Variants in DCX observed in about 807,000 individuals in gnomAD.
The protein encoded by DCX is doublecortin.
In DCX, 4 loss-of-function variants were observed where a neutral mutation model predicts 20.9. The ratio of observed to expected loss-of-function variants is 0.19; its 90% CI spans 0.09 to 0.44. The LOEUF (loss-of-function observed/expected upper bound fraction) is 0.44. Ranked by LOEUF, DCX falls within the 20% of genes least tolerant of loss-of-function variation. The pLI is 0.99. For synonymous variants in DCX, 103 were observed against 111.4 expected, an observed-to-expected ratio of 0.92 and a Z score of 0.47; for missense variants, 133 against 296.9, an observed-to-expected ratio of 0.45 and a Z score of 4.06.
intron 3 of DCX, among the ~76,000 whole-genome samples, chrX:111,396,275 T>C (rs772359906): frequency 9.8e-5 from 11 of 112,245 alleles, no homozygotes; most frequent in African/African-American, 3.6e-4. Flanking sequence ...ATCCAAGTAG[T>C]CGGTGCTATA....
intron 5 of DCX, among the ~76,000 whole-genome samples, chrX:111,321,189 TG>T (rs1256012850): frequency 8.9e-6 from 1 of 111,946 alleles, no homozygotes; most frequent in Non-Finnish European, 1.9e-5. Flanking sequence ...CCGAACCAGC[TG>T]GGTATCATAC....
At chrX:111,344,358 T>C (rs1455295654) in intron 3 of DCX, among the ~76,000 whole-genome samples, 1 of 112,020 alleles carries the variant, frequency 8.9e-6, no homozygotes, top group Non-Finnish European at 1.9e-5. Context: ...TTACCATTCC[T>C]ATTCATCATA....
chrX:111,361,639 A>G (rs900075058), intron 3 of DCX, among the ~76,000 whole-genome samples: 13 of 112,228 alleles, frequency 1.2e-4, no homozygotes, highest in Non-Finnish European at 1.9e-5. Flanking sequence ...CCAACAAACA[A>G]CGAAGTTATT....
At chrX:111,339,855 A>G (rs761808157) in intron 3 of DCX, among the ~76,000 whole-genome samples, 27 of 111,925 alleles carry the variant, frequency 2.4e-4, no homozygotes, top group Non-Finnish European at 4.9e-4. Context: ...TCTCACAATT[A>G]CCCAAACCAG....
At chrX:111,363,380 A>G (rs1300128889) in intron 3 of DCX, among the ~76,000 whole-genome samples, 1 of 110,116 alleles carries the variant, frequency 9.1e-6, no homozygotes, top group African/African-American at 3.3e-5. Context: ...AAAGTGTTTT[A>G]AATCTGTAGT....
chrX:111,303,365 A>G (rs1330896113), intron 6 of DCX, among the ~76,000 whole-genome samples: 1 of 109,906 alleles, frequency 9.1e-6, no homozygotes, highest in Non-Finnish European at 1.9e-5. Flanking sequence ...CTGCTTTTGT[A>G]TCATAAGGAC....
chrX:111,303,380 A>G (rs1176646447), intron 6 of DCX, among the ~76,000 whole-genome samples: 1 of 110,965 alleles, frequency 9.0e-6, no homozygotes, highest in East Asian at 2.8e-4. Flanking sequence ...AAGGACAAGA[A>G]CTTCAGTAGA....
chrX:111,370,870 C>A (rs1276628053), intron 3 of DCX, among the ~76,000 whole-genome samples: 1 of 111,530 alleles, frequency 9.0e-6, no homozygotes, highest in African/African-American at 3.3e-5. Context: ...TTTAAAAGCT[C>A]CACAAGGTGA....
Position 111,300,913 on chromosome X carries a change from G to A in DCX, c.*774C>T, listed in dbSNP as rs2095032382. On this transcript the variant is annotated 3_prime_UTR_variant, in exon 7 of 7. Coordinates refer to ENST00000636035, the MANE Select transcript of DCX (RefSeq NM_001195553.2). ...GTTAGACAGCCTTCTAGAGGAATCAGGTATATGAAGTCCCTTACTCCAAAC... is the reference window on the plus strand; with the variant it reads ...GTTAGACAGCCTTCTAGAGGAATCAAGTATATGAAGTCCCTTACTCCAAAC... 1 of 112,378 alleles carries A rather than the reference G, an allele frequency of 8.9e-6. No homozygotes were observed. Among genetic ancestry groups the A allele is most frequent in the Admixed American group, 9.4e-5 (1 of 10,616 alleles). The allele number at this position is 112,378 out of a possible 1,213,427, so 9.3% of individuals were successfully genotyped here.
chrX:111,386,875 G>A (rs189598577), intron 3 of DCX, among the ~76,000 whole-genome samples: 6 of 111,155 alleles, frequency 5.4e-5, no homozygotes, highest in African/African-American at 2.0e-4. Flanking sequence ...TGCTGAGGAC[G>A]CAGATTTCTA....
intron 3 of DCX, among the ~76,000 whole-genome samples, chrX:111,400,026 T>C (rs980640955): frequency 8.9e-6 from 1 of 112,029 alleles, no homozygotes. Flanking sequence ...CTTTGATATA[T>C]AGTGAATCCG....
At chrX:111,314,009 A>T (rs1001848102) in intron 5 of DCX, among the ~76,000 whole-genome samples, 5 of 111,624 alleles carry the variant, frequency 4.5e-5, no homozygotes, top group Admixed American at 3.8e-4. Context: ...GGTAAAGCTT[A>T]AACTGCTGTA....
At chrX:111,316,331 A>G (rs1248907767) in intron 5 of DCX, among the ~76,000 whole-genome samples, 1 of 111,102 alleles carries the variant, frequency 9.0e-6, no homozygotes, top group Admixed American at 9.6e-5. Context: ...TCTCAGGTTC[A>G]AGTGATTCTC....
At chrX:111,360,946 G>A (rs1293731291) in intron 3 of DCX, among the ~76,000 whole-genome samples, 2 of 111,763 alleles carry the variant, frequency 1.8e-5, no homozygotes. Context: ...GACATTGGAG[G>A]CTGCATAATT....
chrX:111,369,165 T>G (rs1458394777), intron 3 of DCX, among the ~76,000 whole-genome samples: 2 of 111,029 alleles, frequency 1.8e-5, no homozygotes, highest in Non-Finnish European at 3.8e-5. Flanking sequence ...TGCTGCCAGC[T>G]GATTAGATGG....
chrX:111,365,619 C>G (rs1052711769), intron 3 of DCX, among the ~76,000 whole-genome samples: 1 of 108,418 alleles, frequency 9.2e-6, no homozygotes, highest in Non-Finnish European at 1.9e-5. Flanking sequence ...TCCCCCGCTT[C>G]CAGTCCCCCA....
intron 3 of DCX, among the ~76,000 whole-genome samples, chrX:111,394,018 T>C: frequency 8.9e-6 from 1 of 111,982 alleles, no homozygotes; most frequent in Non-Finnish European, 1.9e-5. Context: ...TGAAGACATG[T>C]ATCTACATAA....
intron 3 of DCX, among the ~76,000 whole-genome samples, chrX:111,388,688 G>T (rs1050310291): frequency 1.8e-5 from 2 of 112,048 alleles, no homozygotes; most frequent in Non-Finnish European, 3.8e-5. Context: ...GTTACATATA[G>T]CGTAATTTGA....
chrX:111,411,154 GA>G, intron 1 of DCX: 1 of 441,495 alleles, frequency 2.3e-6, no homozygotes, highest in Non-Finnish European at 4.0e-6. Flanking sequence ...AAGCTGGGGG[GA>G]AAAAGGATTA....
Sources: gnomAD v4.1 joint callset for allele counts (sites outside exome capture counted in the v4.1 genomes callset) on GRCh38, gnomAD v4.1.1 for gene constraint, MANE v1.5 for transcripts, NCBI Gene and HGNC (gene_info 2026-07-23, HGNC 2026-07-21) for gene names.